Variants in XRCC5 observed in about 807,000 individuals in gnomAD.
XRCC5 encodes X-ray repair cross complementing 5.
Under a neutral mutation model 95.7 loss-of-function variants are expected in XRCC5, and 12 were observed. That is an observed-to-expected ratio of 0.13 (90% CI 0.08 to 0.20). The LOEUF (loss-of-function observed/expected upper bound fraction) is 0.20, where lower values mean the gene tolerates loss of function less well. XRCC5 is among the 10% of genes least tolerant of loss of function. XRCC5 has a pLI of 1.00. For missense variants in XRCC5, 595 were observed against 873.9 expected, an observed-to-expected ratio of 0.68 and a Z score of 4.02; for synonymous variants, 281 against 290.3, an observed-to-expected ratio of 0.97 and a Z score of 0.33.
Position 216,205,503 on chromosome 2 carries a change from A to G in XRCC5, c.*301A>G, listed in dbSNP as rs41296835. On this transcript the variant is annotated 3_prime_UTR_variant, in exon 21 of 21. Transcript: ENST00000392132. The stretch of plus-strand genomic sequence containing the variant: ...CATACATGCTTTGAAGTTTCTGGAA[A>G]GTAGATCTTTTCTTGACCTAGTATA... 4.7e-3 allele frequency: 1,855 copies of G among 393,412 alleles called. 33 individuals carry two copies. The highest frequency in any genetic ancestry group is 0.035 in the African/African-American group (1,721 of 48,618). 24.4% of individuals were successfully genotyped at this position (393,412 alleles called of 1,614,324 possible). A position where few individuals can be genotyped will look rare whatever the true frequency, so the allele number is the denominator to read the frequency against.
chr2:216,135,333 G>T (rs1342529496), intron 10 of XRCC5, among the ~76,000 whole-genome samples: 1 of 151,300 alleles, frequency 6.6e-6, no homozygotes, highest in East Asian at 1.9e-4. Context: ...GGGCATTCTA[G>T]CTAGGAGGTA....
chr2:216,134,756 C>G (rs951819839), intron 10 of XRCC5, among the ~76,000 whole-genome samples: 1 of 151,794 alleles, frequency 6.6e-6, no homozygotes, highest in Admixed American at 6.6e-5. Flanking sequence ...TTTAAACATC[C>G]TAATTGGTCC....
At chr2:216,158,243 T>C (rs1465900813) in intron 14 of XRCC5, among the ~76,000 whole-genome samples, 1 of 152,236 alleles carries the variant, frequency 6.6e-6, no homozygotes, top group African/African-American at 2.4e-5. Flanking sequence ...GATATACTGA[T>C]GGTAGTTTTC....
intron 15 of XRCC5, among the ~76,000 whole-genome samples, chr2:216,161,534 T>G (rs898588985): frequency 2.0e-5 from 3 of 152,236 alleles, no homozygotes; most frequent in African/African-American, 7.2e-5. Context: ...GTCCCACTAA[T>G]GGGCACTTCG....
chr2:216,147,369 A>G (rs2160981), intron 13 of XRCC5, among the ~76,000 whole-genome samples: 53,905 of 151,860 alleles, frequency 0.35, 10,481 homozygotes, highest in East Asian at 0.67. Context: ...GGGCTGCATC[A>G]TAGGACCCTA....
At chr2:216,189,011 A>C (rs1310520789) in intron 16 of XRCC5, among the ~76,000 whole-genome samples, 1 of 152,214 alleles carries the variant, frequency 6.6e-6, no homozygotes, top group African/African-American at 2.4e-5. Flanking sequence ...TGTATTAAAA[A>C]ATACTTCATC....
At chr2:216,193,687 T>TA (rs1220720768) in intron 18 of XRCC5, among the ~76,000 whole-genome samples, 2 of 152,250 alleles carry the variant, frequency 1.3e-5, no homozygotes, top group African/African-American at 4.8e-5. Flanking sequence ...GTTTTGGTAT[T>TA]TATTGAATGC....
chr2:216,140,881 G>A (rs1697159935), intron 12 of XRCC5, among the ~76,000 whole-genome samples: 1 of 152,050 alleles, frequency 6.6e-6, no homozygotes, highest in African/African-American at 2.4e-5. Flanking sequence ...CTCCTTATAG[G>A]GATTGGTTTT....
At chr2:216,117,960 TAA>T (rs1412452645) in intron 4 of XRCC5, among the ~76,000 whole-genome samples, 166 bp downstream of exon 4, 1 of 152,214 alleles carries the variant, frequency 6.6e-6, no homozygotes, top group Non-Finnish European at 1.5e-5. Flanking sequence ...CTCTGTTTTT[TAA>T]AAGTTTTAAA....
At chr2:216,165,792 G>A (rs562347662) in intron 16 of XRCC5, among the ~76,000 whole-genome samples, 5 of 152,202 alleles carry the variant, frequency 3.3e-5, no homozygotes, top group Non-Finnish European at 5.9e-5. Flanking sequence ...GGTAGAACTC[G>A]GCTGTTTTAC....
intron 10 of XRCC5, 138 bp from the exon 11 acceptor site, chr2:216,136,950 C>T (rs1697091914): frequency 2.1e-6 from 2 of 934,506 alleles, no homozygotes; most frequent in Admixed American, 3.0e-5. Flanking sequence ...CAAATGTGTG[C>T]ACTTCGTCCT....
intron 13 of XRCC5, among the ~76,000 whole-genome samples, chr2:216,141,924 C>G (rs527242512): frequency 6.6e-6 from 1 of 152,066 alleles, no homozygotes; most frequent in African/African-American, 2.4e-5. Context: ...CATGGTAGCA[C>G]GTGCCTGTAA....
chr2:216,131,766 A>C (rs1432128234), intron 9 of XRCC5, among the ~76,000 whole-genome samples: 1 of 152,142 alleles, frequency 6.6e-6, no homozygotes, highest in Non-Finnish European at 1.5e-5. Context: ...TAATCTCTGT[A>C]ATCTAATTTT....
At chr2:216,203,364 C>T (rs1398879702) in intron 19 of XRCC5, among the ~76,000 whole-genome samples, 1 of 152,194 alleles carries the variant, frequency 6.6e-6, no homozygotes, top group Non-Finnish European at 1.5e-5. Flanking sequence ...GGCATGCTAC[C>T]AGAAAATCAC....
intron 13 of XRCC5, among the ~76,000 whole-genome samples, chr2:216,143,487 TAACA>T (rs767067744): frequency 1.3e-5 from 2 of 152,118 alleles, no homozygotes; most frequent in Admixed American, 6.5e-5. Context: ...CTTATTGGAA[TAACA>T]AACAGATACA....
At chr2:216,187,873 T>C (rs1689536539) in intron 16 of XRCC5, among the ~76,000 whole-genome samples, 2 of 136,584 alleles carry the variant, frequency 1.5e-5, no homozygotes, top group South Asian at 4.9e-4. Context: ...CCCGTCTCCC[T>C]GTCTCTCCCT....
intron 19 of XRCC5, 115 bp from the exon 20 acceptor site, chr2:216,204,207 T>C (rs77476019): frequency 8.2e-7 from 1 of 1,224,766 alleles, no homozygotes; most frequent in East Asian, 2.4e-5. Flanking sequence ...CCGTTGGCAG[T>C]GAGACTGCTA....
chr2:216,137,325 T>C, intron 11 of XRCC5, 100 bp downstream of exon 11: 1 of 1,350,616 alleles, frequency 7.4e-7, no homozygotes, highest in East Asian at 2.5e-5. Context: ...TTGGGGATCT[T>C]GTTAAAATGC....
intron 16 of XRCC5, among the ~76,000 whole-genome samples, 184 bp from the exon 17 acceptor site, chr2:216,190,041 G>A (rs1343966660): frequency 1.3e-5 from 2 of 152,178 alleles, no homozygotes; most frequent in African/African-American, 4.8e-5. Flanking sequence ...TTCAGACTTT[G>A]CAAATACAGA....
Sources: allele counts gnomAD v4.1 joint callset (sites outside exome capture counted in the v4.1 genomes callset), GRCh38; gene constraint gnomAD v4.1.1; transcripts MANE v1.5; gene names NCBI Gene and HGNC (gene_info 2026-07-23, HGNC 2026-07-21).